Variants in TRAPPC9 observed in about 807,000 individuals in gnomAD.
TRAPPC9 encodes the protein trafficking protein particle complex subunit 9, also known as IKK2 binding protein.
A neutral mutation model predicts 124.0 loss-of-function variants in TRAPPC9; 83 were observed. The observed-to-expected ratio is 0.67, with a 90% CI of 0.56 to 0.80. The LOEUF (loss-of-function observed/expected upper bound fraction) is 0.80. Ranked by LOEUF, TRAPPC9 falls within the 30% of genes least tolerant of loss-of-function variation. The pLI is 0.00. For synonymous variants in TRAPPC9, 638 were observed against 617.5 expected, an observed-to-expected ratio of 1.03 and a Z score of -0.49; for missense variants, 1,302 against 1,508.3, an observed-to-expected ratio of 0.86 and a Z score of 2.27.
chr8:140,245,630 G>A (rs567194553), intron 16 of TRAPPC9, among the ~76,000 whole-genome samples: 2 of 152,226 alleles, frequency 1.3e-5, no homozygotes, highest in East Asian at 3.9e-4. Flanking sequence ...TTTTCCCCCT[G>A]ATAATTTACT....
chr8:140,079,234 T>C (rs182665073), intron 17 of TRAPPC9, among the ~76,000 whole-genome samples: 62 of 152,290 alleles, frequency 4.1e-4, no homozygotes, highest in African/African-American at 1.5e-3. Flanking sequence ...CTCTTTCCTT[T>C]ATAAATTACT....
chr8:139,801,349 C>CT (rs1305926060), intron 21 of TRAPPC9, among the ~76,000 whole-genome samples: 1 of 152,258 alleles, frequency 6.6e-6, no homozygotes, highest in East Asian at 1.9e-4. Flanking sequence ...GCCCGGACAC[C>CT]TCCTGAGCCA....
At chr8:139,806,796 C>A (rs1395584684) in intron 21 of TRAPPC9, among the ~76,000 whole-genome samples, 1 of 152,264 alleles carries the variant, frequency 6.6e-6, no homozygotes, top group African/African-American at 2.4e-5. Context: ...AAGCTGCACC[C>A]TTTCCTTTAG....
At chr8:139,881,335 G>A (rs1829662755) in intron 21 of TRAPPC9, 1 of 152,186 alleles carries the variant, frequency 6.6e-6, no homozygotes, top group Non-Finnish European at 1.5e-5. Context: ...AGATCCAGAT[G>A]TATTTTCTGT....
At chr8:140,272,743 G>A (rs2064995669) in intron 15 of TRAPPC9, among the ~76,000 whole-genome samples, 1 of 151,904 alleles carries the variant, frequency 6.6e-6, no homozygotes, top group South Asian at 2.1e-4. Flanking sequence ...GAGAGGGGAG[G>A]AGGCACCAGG....
chr8:140,193,203 C>T (rs760167128), intron 17 of TRAPPC9, among the ~76,000 whole-genome samples: 1 of 152,214 alleles, frequency 6.6e-6, no homozygotes, highest in Non-Finnish European at 1.5e-5. Context: ...TCTTTCAAAT[C>T]CCTGGCTCAT....
At chr8:140,244,402 A>G (rs1243583804) in intron 16 of TRAPPC9, among the ~76,000 whole-genome samples, 3 of 152,246 alleles carry the variant, frequency 2.0e-5, no homozygotes, top group African/African-American at 7.2e-5. Context: ...TATCATGTCT[A>G]ACAGAAACTG....
intron 17 of TRAPPC9, among the ~76,000 whole-genome samples, chr8:140,071,895 G>A (rs1015164306): frequency 3.3e-5 from 5 of 152,308 alleles, no homozygotes; most frequent in South Asian, 2.1e-4. Context: ...GGTTGATCCC[G>A]GGAAAACAAG....
At chr8:140,296,885 C>T (rs550651286) in intron 11 of TRAPPC9, among the ~76,000 whole-genome samples, 1 of 152,210 alleles carries the variant, frequency 6.6e-6, no homozygotes, top group Non-Finnish European at 1.5e-5. Flanking sequence ...CCAATGAGAA[C>T]ACAAAAGAGC....
In TRAPPC9 at chr8:140,167,845, T is replaced by C. The variant is rs149310289; in HGVS notation, c.2556+53614A>G. 1.3e-4 allele frequency among the ~76,000 whole-genome samples: 20 copies of C among 152,350 alleles called. 2 individuals carry two copies. The East Asian group carries it at 3.9e-3, about 29-fold the overall frequency. On this transcript the variant is annotated intron_variant, in intron 17 of 22. Transcript: ENST00000438773. The stretch of plus-strand genomic sequence containing the variant: ...AATGGGAACATCTCCATTTTCTCGA[T>C]GATTAACTGAAGGGAAAGCATCCCT...
intron 21 of TRAPPC9, among the ~76,000 whole-genome samples, chr8:139,738,393 G>A (rs1437531190): frequency 2.0e-5 from 3 of 152,218 alleles, no homozygotes; most frequent in African/African-American, 7.2e-5. Context: ...CCTCTCCCAT[G>A]GCAGAAGGAG....
At chr8:140,192,903 GA>G (rs2062531724) in intron 17 of TRAPPC9, among the ~76,000 whole-genome samples, 1 of 152,138 alleles carries the variant, frequency 6.6e-6, no homozygotes. Flanking sequence ...TCAGCCTCCT[GA>G]GTAGTTGGGA....
At chr8:140,166,988 G>A (rs535204697) in intron 17 of TRAPPC9, among the ~76,000 whole-genome samples, 8 of 152,264 alleles carry the variant, frequency 5.3e-5, no homozygotes, top group South Asian at 4.1e-4. Flanking sequence ...TAGCTTGTTC[G>A]AATGCAAAAC....
intron 17 of TRAPPC9, among the ~76,000 whole-genome samples, chr8:140,178,412 T>G (rs536058890): frequency 2.0e-5 from 3 of 152,296 alleles, no homozygotes; most frequent in East Asian, 3.9e-4. Context: ...TGATTGAAAT[T>G]TGAATACTTA....
intron 19 of TRAPPC9, among the ~76,000 whole-genome samples, chr8:139,918,137 T>C (rs1280022889): frequency 5.3e-5 from 8 of 152,236 alleles, no homozygotes; most frequent in Non-Finnish European, 7.3e-5. Flanking sequence ...TCTTGTTTTC[T>C]GAATCTTGAG....
rs2067637393 is a variant in TRAPPC9 at position 140,353,147 on chromosome 8, G to T, written c.1495+6903C>A. 6.6e-6 allele frequency among the ~76,000 whole-genome samples: 1 copy of T among 152,104 alleles called. No homozygotes were observed. Among genetic ancestry groups the T allele is most frequent in the Admixed American group, 6.5e-5 (1 of 15,270 alleles). On this transcript the variant is annotated intron_variant, in intron 9 of 22. Coordinates refer to ENST00000438773, the MANE Select transcript of TRAPPC9 (RefSeq NM_001160372.4). This position sits in a 1 kb window ranked among gnomAD's most constrained non-coding sequence, Gnocchi z 4.2. ...ACCAAAAGACTTCAGATCCCAACAA[G>T]ACCAAGCCCAGGAAATCATGTGCAA...
chr8:140,233,623 C>CCACACACACACA (rs35452775), intron 16 of TRAPPC9, among the ~76,000 whole-genome samples: 7,238 of 90,740 alleles, frequency 0.08, 418 homozygotes, highest in African/African-American at 0.12. Context: ...TCTCTCCCCA[C>CCACACACACACA]CACACACACA....
intron 19 of TRAPPC9, among the ~76,000 whole-genome samples, chr8:139,910,989 A>G (rs1831690177): frequency 6.6e-6 from 1 of 152,122 alleles, no homozygotes; most frequent in Non-Finnish European, 1.5e-5. Context: ...GGAAGGCATG[A>G]TTGGTTTTGA....
chr8:139,731,928 G>A (rs1418212033), intron 22 of TRAPPC9, 51 bp downstream of exon 22: 1 of 1,516,058 alleles, frequency 6.6e-7, no homozygotes, highest in East Asian at 2.5e-5. Context: ...AAGGGGGGAT[G>A]ATGACCACAT....
Sources: gnomAD v4.1 joint callset for allele counts (sites outside exome capture counted in the v4.1 genomes callset) on GRCh38, gnomAD v4.1.1 for gene constraint, Gnocchi (gnomAD v3.1) non-coding constraint, MANE v1.5 for transcripts, NCBI Gene and HGNC (gene_info 2026-07-23, HGNC 2026-07-21) for gene names.